The following RABGAP1L variants were observed in gnomAD, a reference collection of about 807,000 sequenced individuals.
RABGAP1L encodes rab GTPase-activating protein 1-like.
Under a neutral mutation model 137.7 loss-of-function variants are expected in RABGAP1L, and 63 were observed. That is an observed-to-expected ratio of 0.46 (90% CI 0.37 to 0.56). RABGAP1L has a LOEUF of 0.56. Among genes scored for constraint, RABGAP1L ranks in the 20% least tolerant of loss-of-function variants. The pLI, the probability that RABGAP1L is intolerant of heterozygous loss-of-function variation, is 0.00. For missense variants in RABGAP1L, 1,095 were observed against 1,244.0 expected, an observed-to-expected ratio of 0.88 and a Z score of 1.80; for synonymous variants, 431 against 433.7, an observed-to-expected ratio of 0.99 and a Z score of 0.08.
At chr1:174,514,287 G>A (rs564457909) in intron 13 of RABGAP1L, among the ~76,000 whole-genome samples, 5 of 147,852 alleles carry the variant, frequency 3.4e-5, no homozygotes, top group Admixed American at 1.4e-4. Flanking sequence ...AGGGATCTTC[G>A]TGTTGGTAGG....
intron 12 of RABGAP1L, among the ~76,000 whole-genome samples, chr1:174,376,285 C>A (rs943421598): frequency 6.6e-6 from 1 of 151,974 alleles, no homozygotes; most frequent in African/African-American, 2.4e-5. Context: ...TATATAAATT[C>A]TACATAAACT....
rs1028797093 is a variant in RABGAP1L at position 174,811,846 on chromosome 1, C to T, written c.2226C>T (p.Asp742=). ...TTATTTTGCAGACCTCAAAGGAAGA[C>T]CTTCTGCAGGCTGATTTTGAAGGTG... ...ALALLKTSKE[D]LLQADFEGAL... Residue 742 remains aspartate, a synonymous_variant, in exon 19 of 26, where the codon GAC becomes GAT. Transcript: ENST00000681986. 52 of 1,593,560 alleles carry T rather than the reference C, an allele frequency of 3.3e-5. No homozygotes were observed. Among genetic ancestry groups the T allele is most frequent in the Admixed American group, 8.6e-5 (5 of 58,034 alleles).
intron 19 of RABGAP1L, among the ~76,000 whole-genome samples, chr1:174,891,689 G>A (rs1180690434): frequency 6.6e-6 from 1 of 151,972 alleles, no homozygotes; most frequent in Non-Finnish European, 1.5e-5. Flanking sequence ...ATTTTTTGTA[G>A]AGATAGGGTC....
At chr1:174,641,839 A>T (rs1172414358) in intron 14 of RABGAP1L, among the ~76,000 whole-genome samples, 2 of 152,240 alleles carry the variant, frequency 1.3e-5, no homozygotes, top group South Asian at 4.1e-4. Context: ...TTCCTGACAT[A>T]TAACACATAA....
chr1:174,703,368 TA>T (rs1249559089), intron 17 of RABGAP1L, among the ~76,000 whole-genome samples: 1 of 152,198 alleles, frequency 6.6e-6, no homozygotes, highest in African/African-American at 2.4e-5. Flanking sequence ...TTGTTTTACT[TA>T]ACATAATGGC....
At chr1:174,272,555 C>A in intron 8 of RABGAP1L, 75 bp downstream of exon 8, 6 of 1,391,560 alleles carry the variant, frequency 4.3e-6, no homozygotes, top group Non-Finnish European at 5.6e-6. Context: ...TTTCTATTTA[C>A]AAATTTTGTC....
At position 174,821,072 on chromosome 1, in the gene RABGAP1L, A is replaced by G. The variant is rs1690977098; in HGVS notation, c.2340+9112A>G. Reference sequence around the variant, plus strand: ...GCTCATAATTTCCAGTGATCGCAGCAAAACCATGCCAATTACTATTTTGGC... The same window carrying G: ...GCTCATAATTTCCAGTGATCGCAGCGAAACCATGCCAATTACTATTTTGGC... On this transcript the variant is annotated intron_variant, in intron 19 of 25. Transcript: ENST00000681986. Among the ~76,000 whole-genome samples the G allele has an allele frequency of 2.6e-5, 4 of 152,138 alleles. No individual in the cohort carries two copies. In the South Asian group the frequency reaches 6.2e-4, roughly 24 times the overall value.
intron 19 of RABGAP1L, among the ~76,000 whole-genome samples, chr1:174,951,163 A>G (rs547143235): frequency 6.6e-6 from 1 of 152,180 alleles, no homozygotes; most frequent in South Asian, 2.1e-4. Flanking sequence ...TTTTATAAAT[A>G]TCTGTTATTG....
intron 12 of RABGAP1L, among the ~76,000 whole-genome samples, chr1:174,389,650 T>C (rs970123767): frequency 3.3e-5 from 5 of 152,162 alleles, no homozygotes; most frequent in African/African-American, 1.2e-4. Context: ...AGCATTCTTT[T>C]TTGTTTAGCT....
intron 14 of RABGAP1L, among the ~76,000 whole-genome samples, chr1:174,668,617 A>G (rs771715748): frequency 1.3e-5 from 2 of 152,068 alleles, no homozygotes; most frequent in Non-Finnish European, 2.9e-5. Flanking sequence ...TTTCTTTTGT[A>G]TATATACCCA....
chr1:174,379,045 C>T (rs1415409995), intron 12 of RABGAP1L, among the ~76,000 whole-genome samples: 5 of 140,202 alleles, frequency 3.6e-5, no homozygotes, highest in Admixed American at 7.1e-5. Flanking sequence ...AAATAGGGAA[C>T]CCTTTCCCCA....
intron 13 of RABGAP1L, among the ~76,000 whole-genome samples, chr1:174,568,220 A>G (rs930841697): frequency 2.0e-4 from 31 of 152,118 alleles, no homozygotes; most frequent in Non-Finnish European, 1.2e-4. Flanking sequence ...CTGTGAACCT[A>G]GATGAGTGAG....
intron 13 of RABGAP1L, among the ~76,000 whole-genome samples, chr1:174,481,810 C>T (rs890603548): frequency 2.6e-4 from 39 of 149,154 alleles, no homozygotes; most frequent in African/African-American, 9.2e-4. Flanking sequence ...ACCAGCATGG[C>T]ACATGTATAC....
chr1:174,981,550 CTTTTTTTTTTTTTTTTTT>C lies in RABGAP1L; in HGVS notation c.2734-1270_2734-1253del, dbSNP rs10556099. 3.0e-4 allele frequency among the ~76,000 whole-genome samples: 20 copies of C among 66,436 alleles called. No homozygotes were observed. The East Asian group carries it at 8.7e-3, about 29-fold the overall frequency. The allele number at this position is 66,436 out of a possible 152,430, so 43.6% of individuals were successfully genotyped here. A position where few individuals can be genotyped will look rare whatever the true frequency, so the allele number is the denominator to read the frequency against. ...AATTTCACATCCCCTGTTTTTCCAT[CTTTTTTTTTTTTTTTTTT>C]TTTTTTTTTTTTTGTGAGGCAAGGT... On this transcript the variant is annotated intron_variant, in intron 23 of 25. Coordinates refer to ENST00000681986, the MANE Select transcript of RABGAP1L (RefSeq NM_001366446.1).
At chr1:174,870,582 A>G in intron 19 of RABGAP1L, among the ~76,000 whole-genome samples, 1 of 152,200 alleles carries the variant, frequency 6.6e-6, no homozygotes, top group East Asian at 1.9e-4. Flanking sequence ...AGCTGTAGGT[A>G]TCGAGTCAAA....
intron 10 of RABGAP1L, among the ~76,000 whole-genome samples, chr1:174,284,564 T>G (rs962103925): frequency 6.6e-6 from 1 of 152,176 alleles, no homozygotes; most frequent in African/African-American, 2.4e-5. Context: ...GATACTGATT[T>G]TGTTTCCTTC....
intron 13 of RABGAP1L, among the ~76,000 whole-genome samples, chr1:174,423,687 CTTTG>C (rs1423311064): frequency 6.6e-6 from 1 of 151,980 alleles, no homozygotes; most frequent in Non-Finnish European, 1.5e-5. Flanking sequence ...TTGAAGATTT[CTTTG>C]TTTGCTCCTT....
chr1:174,939,789 T>C (rs1665542368), intron 19 of RABGAP1L, among the ~76,000 whole-genome samples: 1 of 152,228 alleles, frequency 6.6e-6, no homozygotes, highest in Admixed American at 6.5e-5. Flanking sequence ...TTTCTATGTT[T>C]TTCCACTTAT....
chr1:174,613,669 C>G (rs1275220435), intron 13 of RABGAP1L, among the ~76,000 whole-genome samples: 1 of 152,024 alleles, frequency 6.6e-6, no homozygotes, highest in Non-Finnish European at 1.5e-5. Flanking sequence ...TTAAAGTCTC[C>G]CATTATTATT....
Sources: gnomAD v4.1 joint callset for allele counts (sites outside exome capture counted in the v4.1 genomes callset) on GRCh38, gnomAD v4.1.1 for gene constraint, MANE v1.5 for transcripts, NCBI Gene and HGNC (gene_info 2026-07-23, HGNC 2026-07-21) for gene names.